NEDD4L: variants seen among roughly 807,000 people sequenced by gnomAD.
NEDD4L encodes the protein E3 ubiquitin-protein ligase NEDD4-like.
Under a neutral mutation model 148.9 loss-of-function variants are expected in NEDD4L, and 54 were observed. That is an observed-to-expected ratio of 0.36 (90% CI 0.29 to 0.45). NEDD4L has a LOEUF of 0.45. Ranked by LOEUF, NEDD4L falls within the 20% of genes least tolerant of loss-of-function variation. The pLI is 1.00. For synonymous variants in NEDD4L, 433 were observed against 440.7 expected (o/e 0.98, Z 0.22); for missense variants, 856 against 1,233.8 (o/e 0.69, Z 4.59).
chr18:58,063,181 G>GACTA (rs545390042), intron 1 of NEDD4L, among the ~76,000 whole-genome samples: 2 of 151,318 alleles, frequency 1.3e-5, no homozygotes, highest in South Asian at 4.2e-4. Flanking sequence ...AAGCAGCTGG[G>GACTA]ACTACAGGCA....
chr18:58,080,271 C>A (rs2083364668), intron 1 of NEDD4L, among the ~76,000 whole-genome samples: 1 of 152,238 alleles, frequency 6.6e-6, no homozygotes, highest in Admixed American at 6.5e-5. Context: ...ATGCCAGACA[C>A]CTGGCTCCGG....
At chr18:58,214,495 G>T (rs978411624) in intron 2 of NEDD4L, among the ~76,000 whole-genome samples, 1 of 152,108 alleles carries the variant, frequency 6.6e-6, no homozygotes, top group Non-Finnish European at 1.5e-5. Flanking sequence ...TAATAACAGC[G>T]CCTATCTGTT....
rs2048591914 is a variant in NEDD4L at position 58,256,517 on chromosome 18, G to A, written c.297+4463G>A. On this transcript the variant is annotated intron_variant, in intron 5 of 30. Coordinates refer to ENST00000400345, the MANE Select transcript of NEDD4L (RefSeq NM_001144967.3). The surrounding 1 kb of genome is among the most constrained non-coding windows in gnomAD (Gnocchi z 5.2). ...CTCGTACCCCACGCAGCCCCGAAGC[G>A]AGCGAGGGAGCCCCACGGAAGATCG... is the stretch of plus-strand genomic sequence containing the variant. The A allele has an allele frequency of 3.2e-6, 4 of 1,232,156 alleles. No individual in the cohort carries two copies. Among genetic ancestry groups the A allele is most frequent in the African/African-American group, 1.6e-5 (1 of 64,424 alleles). 76.3% of individuals were successfully genotyped at this position (1,232,156 alleles called of 1,614,324 possible).
At chr18:58,227,204 C>T (rs937815011) in intron 2 of NEDD4L, among the ~76,000 whole-genome samples, 2 of 152,206 alleles carry the variant, frequency 1.3e-5, no homozygotes, top group Non-Finnish European at 2.9e-5. Context: ...AGAGGTAGAG[C>T]GTTTTGTCTG....
chr18:58,362,109 T>G (rs76720733), intron 19 of NEDD4L, among the ~76,000 whole-genome samples: 2 of 152,224 alleles, frequency 1.3e-5, no homozygotes, highest in African/African-American at 4.8e-5. Context: ...GCTTGAAATA[T>G]CTCAACATTT....
intron 1 of NEDD4L, among the ~76,000 whole-genome samples, chr18:58,078,511 A>G (rs2083283709): frequency 2.0e-5 from 3 of 152,032 alleles, no homozygotes; most frequent in Admixed American, 6.6e-5. Flanking sequence ...CTCTGTGTAG[A>G]ATTTTCTGAG....
At chr18:58,149,775 C>A (rs889580128) in intron 1 of NEDD4L, among the ~76,000 whole-genome samples, 3 of 152,252 alleles carry the variant, frequency 2.0e-5, no homozygotes, top group African/African-American at 7.2e-5. Context: ...TCTAACCAGG[C>A]CTGATTGGTT....
At chr18:58,284,201 AAT>A in intron 5 of NEDD4L, among the ~76,000 whole-genome samples, 1 of 152,204 alleles carries the variant, frequency 6.6e-6, no homozygotes, top group Admixed American at 6.5e-5. Context: ...TATGCTAATC[AAT>A]ATATATTTTT....
chr18:58,175,959 AGCTG>A, intron 2 of NEDD4L, among the ~76,000 whole-genome samples: 1 of 152,310 alleles, frequency 6.6e-6, no homozygotes. Context: ...AAATGCACAG[AGCTG>A]GCAAATCTCC....
chr18:58,255,733 C>T, intron 5 of NEDD4L: 3 of 1,232,416 alleles, frequency 2.4e-6, no homozygotes, highest in Non-Finnish European at 3.0e-6. Context: ...AAGACGACTT[C>T]TTCATGGCAT....
intron 27 of NEDD4L, chr18:58,388,177 G>A (rs569187880): frequency 2.6e-5 from 4 of 152,256 alleles, no homozygotes; most frequent in African/African-American, 4.8e-5. Flanking sequence ...TTGTTGTGTC[G>A]AGAGAAACAG....
intron 1 of NEDD4L, among the ~76,000 whole-genome samples, chr18:58,100,709 C>T (rs1264557635): frequency 7.2e-5 from 11 of 152,168 alleles, no homozygotes; most frequent in Non-Finnish European, 4.4e-5. Flanking sequence ...CATCTTCCTC[C>T]TACGTACTTA....
chr18:58,284,609 C>T (rs1395498066), intron 5 of NEDD4L, among the ~76,000 whole-genome samples: 1 of 152,122 alleles, frequency 6.6e-6, no homozygotes, highest in Non-Finnish European at 1.5e-5. Flanking sequence ...CATGTGGGTA[C>T]ACCCAGTCTT....
At chr18:58,237,560 C>T (rs2148284184) in intron 2 of NEDD4L, among the ~76,000 whole-genome samples, 1 of 152,264 alleles carries the variant, frequency 6.6e-6, no homozygotes, top group Admixed American at 6.5e-5. Context: ...GTGACTTCCA[C>T]TGAACAACAT....
At chr18:58,216,307 A>G (rs1433105045) in intron 2 of NEDD4L, among the ~76,000 whole-genome samples, 1 of 152,096 alleles carries the variant, frequency 6.6e-6, no homozygotes, top group Non-Finnish European at 1.5e-5. Context: ...AGATGAAGGT[A>G]AAGGAGCCAT....
At chr18:58,196,384 A>G (rs891618735) in intron 2 of NEDD4L, among the ~76,000 whole-genome samples, 1 of 152,232 alleles carries the variant, frequency 6.6e-6, no homozygotes, top group African/African-American at 2.4e-5. Context: ...CATGACCCCT[A>G]ACTTGAGTTT....
At chr18:58,191,349 A>ATCTCTGTAAT (rs1317375503) in intron 2 of NEDD4L, among the ~76,000 whole-genome samples, 3 of 152,172 alleles carry the variant, frequency 2.0e-5, no homozygotes, top group Non-Finnish European at 4.4e-5. Flanking sequence ...TAGAAGCCTA[A>ATCTCTGTAAT]TCTCTGTAAT....
intron 1 of NEDD4L, among the ~76,000 whole-genome samples, chr18:58,117,930 C>T (rs1482436935): frequency 6.6e-6 from 1 of 152,228 alleles, no homozygotes; most frequent in Non-Finnish European, 1.5e-5. Flanking sequence ...GTGGCTGGCT[C>T]TGCTTTATTC....
chr18:58,326,548 C>T (rs1183587692), intron 9 of NEDD4L, among the ~76,000 whole-genome samples: 1 of 152,124 alleles, frequency 6.6e-6, no homozygotes, highest in Non-Finnish European at 1.5e-5. Context: ...AATTTGGACC[C>T]ACCTTGGGCT....
Sources: gnomAD v4.1 joint callset for allele counts (sites outside exome capture counted in the v4.1 genomes callset) on GRCh38, gnomAD v4.1.1 for gene constraint, Gnocchi (gnomAD v3.1) non-coding constraint, MANE v1.5 for transcripts, NCBI Gene and HGNC (gene_info 2026-07-23, HGNC 2026-07-21) for gene names.